The following SPOCK3 variants were observed in gnomAD, a reference collection of about 807,000 sequenced individuals.
The protein encoded by SPOCK3 is testican-3.
SPOCK3 carries 30 observed loss-of-function variants against 56.6 expected under a neutral mutation model. That is an observed-to-expected ratio of 0.53 (90% CI 0.40 to 0.72). The LOEUF is 0.72. SPOCK3 is among the 30% of genes least tolerant of loss of function. SPOCK3 has a pLI of 0.00. For synonymous variants in SPOCK3, 196 were observed against 183.3 expected, an observed-to-expected ratio of 1.07 and a Z score of -0.56; for missense variants, 527 against 530.0, an observed-to-expected ratio of 0.99 and a Z score of 0.06.
At chr4:167,048,636 G>C (rs1472038775) in intron 3 of SPOCK3, among the ~76,000 whole-genome samples, 2 of 152,102 alleles carry the variant, frequency 1.3e-5, no homozygotes, top group Non-Finnish European at 2.9e-5. Context: ...GTGTAATAGA[G>C]AGAAACTTGT....
At chr4:166,900,497 A>G (rs2127052924) in intron 5 of SPOCK3, among the ~76,000 whole-genome samples, 1 of 152,292 alleles carries the variant, frequency 6.6e-6, no homozygotes, top group Admixed American at 6.5e-5. Context: ...TAGGTAGCGA[A>G]TAAGATGCAA....
intron 2 of SPOCK3, among the ~76,000 whole-genome samples, chr4:167,076,129 G>A (rs1257108406): frequency 6.6e-6 from 1 of 152,004 alleles, no homozygotes; most frequent in East Asian, 1.9e-4. Flanking sequence ...AAGATCAATG[G>A]TTGCCAGGGT....
chr4:167,124,525 T>TCTCC (rs1212816348), intron 2 of SPOCK3, among the ~76,000 whole-genome samples: 1 of 152,112 alleles, frequency 6.6e-6, no homozygotes, highest in Non-Finnish European at 1.5e-5. Flanking sequence ...GATGCCCTTT[T>TCTCC]CTCCCCCACA....
rs200624426 is a variant in SPOCK3, at chr4:166,955,364, C to G, written c.351-42621G>C. 2.7e-4 allele frequency among the ~76,000 whole-genome samples: 41 copies of G among 150,620 alleles called. 1 individual carries two copies. The East Asian group carries it at 7.4e-3, about 27-fold the overall frequency. On this transcript the variant is annotated intron_variant, in intron 4 of 10. Coordinates refer to ENST00000357545, the MANE Select transcript of SPOCK3 (RefSeq NM_001040159.2). Reference sequence around the variant, plus strand: ...AGGCACTCAAAGTCCGTAACTACCACAGATTAAACAGGGCTCTATGCATTT... The same window carrying G: ...AGGCACTCAAAGTCCGTAACTACCAGAGATTAAACAGGGCTCTATGCATTT...
chr4:167,012,083 C>T (rs539068882), intron 3 of SPOCK3, among the ~76,000 whole-genome samples: 178 of 151,884 alleles, frequency 1.2e-3, no homozygotes, highest in African/African-American at 3.9e-3. Flanking sequence ...AATGAGGCAA[C>T]TTCTATTCAA....
At chr4:167,012,335 A>T (rs1385478165) in intron 3 of SPOCK3, among the ~76,000 whole-genome samples, 1 of 151,958 alleles carries the variant, frequency 6.6e-6, no homozygotes, top group Non-Finnish European at 1.5e-5. Context: ...GTAAAAATTC[A>T]GTTTTCCTTC....
In SPOCK3 at chr4:166,854,455, C is replaced by A. The variant is rs78985231; in HGVS notation, c.589+34675G>T. Among the ~76,000 whole-genome samples the A allele has an allele frequency of 5.2e-3, 795 of 152,262 alleles. 10 individuals carry two copies. Among genetic ancestry groups the A allele is most frequent in the African/African-American group, 0.018 (764 of 41,546 alleles). Reference sequence around the variant, plus strand: ...CTGAACAGAATAATTAAGAAATACACAAATAGCTACAATAAATTGGATTCT... The same window carrying A: ...CTGAACAGAATAATTAAGAAATACAAAAATAGCTACAATAAATTGGATTCT... On this transcript the variant is annotated intron_variant, in intron 6 of 10. Coordinates refer to ENST00000357545, the MANE Select transcript of SPOCK3 (RefSeq NM_001040159.2).
chr4:167,054,339 C>A (rs1754556457), intron 3 of SPOCK3, among the ~76,000 whole-genome samples: 1 of 152,196 alleles, frequency 6.6e-6, no homozygotes, highest in African/African-American at 2.4e-5. Flanking sequence ...ACAGCATATT[C>A]ATCTAAAGCA....
At chr4:167,234,731 A>C (rs1156640140), upstream of SPOCK3, 4 of 161,948 alleles carry the variant, frequency 2.5e-5, no homozygotes, top group African/African-American at 9.6e-5. Flanking sequence ...TTGGCTCCGG[A>C]TAGGACGCTT....
intron 7 of SPOCK3, among the ~76,000 whole-genome samples, chr4:166,764,094 C>T (rs1737619875): frequency 6.6e-6 from 1 of 152,164 alleles, no homozygotes; most frequent in Non-Finnish European, 1.5e-5. Context: ...AGCCACCATC[C>T]ATACTTCTAG....
chr4:166,788,716 A>G (rs1741001668), intron 7 of SPOCK3, among the ~76,000 whole-genome samples: 1 of 151,816 alleles, frequency 6.6e-6, no homozygotes, highest in Non-Finnish European at 1.5e-5. Flanking sequence ...AGGAAAAATC[A>G]TGACATAAGG....
chr4:167,133,127 G>T (rs1013871230), intron 2 of SPOCK3, among the ~76,000 whole-genome samples: 7 of 152,150 alleles, frequency 4.6e-5, no homozygotes, highest in African/African-American at 1.7e-4. Flanking sequence ...ATGCAAATGG[G>T]TTTTTCCAAA....
intron 2 of SPOCK3, among the ~76,000 whole-genome samples, chr4:167,104,292 A>C (rs556246491): frequency 6.6e-6 from 1 of 152,338 alleles, no homozygotes; most frequent in South Asian, 2.1e-4. Flanking sequence ...TTTCTGACAG[A>C]GAAATCAAAA....
chr4:167,194,811 T>C (rs772016863), intron 2 of SPOCK3, among the ~76,000 whole-genome samples: 6 of 152,148 alleles, frequency 3.9e-5, no homozygotes, highest in Non-Finnish European at 7.3e-5. Flanking sequence ...GGGACAAGGA[T>C]ACACCACTTC....
At chr4:167,035,340 G>C (rs1288757544) in intron 3 of SPOCK3, among the ~76,000 whole-genome samples, 1 of 151,680 alleles carries the variant, frequency 6.6e-6, no homozygotes, top group Admixed American at 6.6e-5. Context: ...CCCATATTTA[G>C]AGTGAAGGAC....
At chr4:166,952,261 A>G (rs545622425) in intron 4 of SPOCK3, among the ~76,000 whole-genome samples, 5 of 152,296 alleles carry the variant, frequency 3.3e-5, no homozygotes, top group African/African-American at 7.2e-5. Flanking sequence ...CAATGTACAA[A>G]AATCACAAGC....
intron 2 of SPOCK3, among the ~76,000 whole-genome samples, chr4:167,143,609 G>T (rs1038299477): frequency 6.6e-6 from 1 of 151,706 alleles, no homozygotes; most frequent in Non-Finnish European, 1.5e-5. Flanking sequence ...CTTAAAACTG[G>T]CAGCTGCCAT....
At chr4:166,993,498 C>T (rs567162699) in intron 4 of SPOCK3, among the ~76,000 whole-genome samples, 1 of 152,270 alleles carries the variant, frequency 6.6e-6, no homozygotes, top group South Asian at 2.1e-4. Context: ...CACCCTCATG[C>T]TATTTCTCTT....
intron 3 of SPOCK3, among the ~76,000 whole-genome samples, chr4:167,043,716 A>G (rs78454074): frequency 0.11 from 16,588 of 151,450 alleles, 1,134 homozygotes; most frequent in Middle Eastern, 0.21. Flanking sequence ...TTTCTTCTCT[A>G]TATTCTTAAT....
Sources: gnomAD v4.1 joint callset for allele counts (sites outside exome capture counted in the v4.1 genomes callset) on GRCh38, gnomAD v4.1.1 for gene constraint, MANE v1.5 for transcripts, NCBI Gene and HGNC (gene_info 2026-07-23, HGNC 2026-07-21) for gene names.